Variants in ABLIM1 observed in about 807,000 individuals in gnomAD.
ABLIM1 encodes the protein actin-binding LIM protein 1.
A neutral mutation model predicts 107.0 loss-of-function variants in ABLIM1; 40 were observed. The observed-to-expected ratio is 0.37, with a 90% CI of 0.29 to 0.49. ABLIM1 has a LOEUF of 0.49. ABLIM1 is among the 20% of genes least tolerant of loss of function. The probability of loss-of-function intolerance (pLI) is 0.97; values close to 1 mark genes in which losing one functional copy is unlikely to be tolerated. For missense variants in ABLIM1, 857 were observed against 1,008.5 expected, an observed-to-expected ratio of 0.85 and a Z score of 2.04; for synonymous variants, 357 against 357.3, an observed-to-expected ratio of 1.00 and a Z score of 0.01.
At position 114,485,531 on chromosome 10, in the gene ABLIM1, T is replaced by C. The variant is rs913449465; in HGVS notation, c.1041+2427A>G. The C allele has an allele frequency of 5.8e-6, 4 of 690,674 alleles. No homozygotes were observed. In the South Asian group the frequency reaches 6.5e-5, roughly 11 times the overall value. The allele number at this position is 690,674 out of a possible 1,614,324, so 42.8% of individuals were successfully genotyped here. On this transcript the variant is annotated intron_variant, in intron 8 of 22. Coordinates refer to ENST00000533213, the MANE Select transcript of ABLIM1 (RefSeq NM_002313.7). The stretch of plus-strand genomic sequence containing the variant: ...AGTGGGATTCTTTCATTGATGTACA[T>C]GTGGATTTTTGGGCCCATGTTTAAA...
intron 10 of ABLIM1, among the ~76,000 whole-genome samples, chr10:114,470,918 TC>T (rs2066411746): frequency 6.6e-6 from 1 of 152,148 alleles, no homozygotes; most frequent in Non-Finnish European, 1.5e-5. Flanking sequence ...AGGGTGTCAC[TC>T]TATCACCCAG....
At chr10:114,800,580 T>G in the ABLIM1 span, among the ~76,000 whole-genome samples, 1 of 152,198 alleles carries the variant, frequency 6.6e-6, no homozygotes, top group African/African-American at 2.4e-5. Context: ...TGAATACAGT[T>G]GACCCGTGAA....
At chr10:114,659,038 C>T (rs183215908), upstream of ABLIM1, among the ~76,000 whole-genome samples, 3 of 152,252 alleles carry the variant, frequency 2.0e-5, no homozygotes, top group East Asian at 3.9e-4. Flanking sequence ...AAAATGTGAC[C>T]GTCTACAACC....
chr10:114,634,133 T>TTTTTTTC (rs1555212580), intron 1 of ABLIM1, among the ~76,000 whole-genome samples: 4 of 90,018 alleles, frequency 4.4e-5, no homozygotes, highest in South Asian at 4.6e-4. Context: ...ATTTTTCTTT[T>TTTTTTTC]TTTTTTTTTT....
At chr10:114,665,144 G>T (rs1286450540) in intron 1 of ABLIM1, among the ~76,000 whole-genome samples, 1 of 151,804 alleles carries the variant, frequency 6.6e-6, no homozygotes, top group African/African-American at 2.4e-5. Flanking sequence ...CCAGAACAGA[G>T]ATGTGGTGTA....
intron 1 of ABLIM1, among the ~76,000 whole-genome samples, chr10:114,684,010 C>CTG (rs2080859841): frequency 6.6e-6 from 1 of 152,194 alleles, no homozygotes; most frequent in Admixed American, 6.5e-5. Flanking sequence ...GACCAACCTA[C>CTG]TGTTGGTTGA....
intron 1 of ABLIM1, among the ~76,000 whole-genome samples, chr10:114,727,722 A>C (rs1459910953): frequency 6.6e-6 from 1 of 152,208 alleles, no homozygotes; most frequent in Non-Finnish European, 1.5e-5. Context: ...TGGGAGGCCA[A>C]GGTGGGCAGA....
At chr10:114,538,702 AC>A (rs1159511202) in intron 6 of ABLIM1, among the ~76,000 whole-genome samples, 1 of 152,218 alleles carries the variant, frequency 6.6e-6, no homozygotes, top group African/African-American at 2.4e-5. Flanking sequence ...ACATAAGACA[AC>A]TTTCCTTTCA....
At chr10:114,726,005 T>C (rs1011987754) in intron 1 of ABLIM1, among the ~76,000 whole-genome samples, 1 of 152,014 alleles carries the variant, frequency 6.6e-6, no homozygotes, top group Non-Finnish European at 1.5e-5. Flanking sequence ...GCTTTTGCCT[T>C]TGAAAGTGGT....
At chr10:114,562,357 G>C (rs1200000709) in intron 4 of ABLIM1, among the ~76,000 whole-genome samples, 1 of 151,976 alleles carries the variant, frequency 6.6e-6, no homozygotes, top group Non-Finnish European at 1.5e-5. Context: ...GTGAAACCCC[G>C]TCTCTACTAA....
At chr10:114,671,854 G>C (rs1426927901) in intron 1 of ABLIM1, among the ~76,000 whole-genome samples, 1 of 151,924 alleles carries the variant, frequency 6.6e-6, no homozygotes, top group African/African-American at 2.4e-5. Flanking sequence ...TTGATTTGTA[G>C]GAGTTCCTTT....
intron 1 of ABLIM1, among the ~76,000 whole-genome samples, chr10:114,733,750 G>T (rs1328646771): frequency 6.6e-6 from 1 of 152,062 alleles, no homozygotes; most frequent in South Asian, 2.1e-4. Flanking sequence ...AGAAACATAC[G>T]CCTCCATTGC....
chr10:114,722,565 C>G (rs1034601375), intron 1 of ABLIM1, among the ~76,000 whole-genome samples: 1 of 152,208 alleles, frequency 6.6e-6, no homozygotes, highest in Non-Finnish European at 1.5e-5. Context: ...TTCATTTGCC[C>G]TGTTTCCATT....
chr10:114,640,572 AGTT>A (rs2078699456), intron 1 of ABLIM1, among the ~76,000 whole-genome samples: 1 of 152,284 alleles, frequency 6.6e-6, no homozygotes, highest in East Asian at 1.9e-4. Flanking sequence ...AACAAAAAAC[AGTT>A]GAGTCAGATT....
intron 1 of ABLIM1, among the ~76,000 whole-genome samples, chr10:114,720,868 C>G (rs540847734): frequency 2.7e-4 from 41 of 152,288 alleles, no homozygotes; most frequent in Admixed American, 2.7e-3. Flanking sequence ...CTTCACCACT[C>G]CAACTGTGCA....
intron 12 of ABLIM1, among the ~76,000 whole-genome samples, chr10:114,453,851 A>C (rs1003706358): frequency 3.9e-5 from 6 of 152,166 alleles, no homozygotes; most frequent in Admixed American, 3.9e-4. Flanking sequence ...TTAAATCCCA[A>C]GCGTGTAAAG....
upstream of ABLIM1, among the ~76,000 whole-genome samples, chr10:114,688,519 T>C (rs1391334823): frequency 6.6e-6 from 1 of 152,218 alleles, no homozygotes; most frequent in Non-Finnish European, 1.5e-5. Context: ...GGCCTCATTA[T>C]TGTTCATAGC....
At chr10:114,523,590 G>T (rs2064124655) in intron 6 of ABLIM1, among the ~76,000 whole-genome samples, 2 of 151,920 alleles carry the variant, frequency 1.3e-5, no homozygotes, top group Non-Finnish European at 2.9e-5. Flanking sequence ...CCTTATGAAG[G>T]CCCAAATTCT....
intron 14 of ABLIM1, among the ~76,000 whole-genome samples, chr10:114,451,172 T>C (rs1359265406): frequency 2.6e-5 from 4 of 152,196 alleles, no homozygotes; most frequent in Admixed American, 2.6e-4. Flanking sequence ...CACATCTTCA[T>C]GCCCAATAAG....
Sources: allele counts gnomAD v4.1 joint callset (sites outside exome capture counted in the v4.1 genomes callset), GRCh38; gene constraint gnomAD v4.1.1; transcripts MANE v1.5; gene names NCBI Gene and HGNC (gene_info 2026-07-23, HGNC 2026-07-21).